The following PDE1C variants were observed in gnomAD, a reference collection of about 807,000 sequenced individuals.
The protein encoded by PDE1C is dual specificity calcium/calmodulin-dependent 3',5'-cyclic nucleotide phosphodiesterase 1C.
PDE1C carries 62 observed loss-of-function variants against 93.1 expected under a neutral mutation model. The ratio of observed to expected loss-of-function variants is 0.67; its 90% confidence interval spans 0.54 to 0.82. The LOEUF is 0.82. PDE1C is among the 40% of genes least tolerant of loss of function. The probability of loss-of-function intolerance (pLI) is 0.00; values close to 1 mark genes in which losing one functional copy is unlikely to be tolerated. For missense variants in PDE1C, 742 were observed against 884.6 expected (o/e 0.84, Z 2.04); for synonymous variants, 325 against 310.1 (o/e 1.05, Z -0.50).
chr7:32,166,699 T>G (rs1426656346), intron 3 of PDE1C, among the ~76,000 whole-genome samples: 1 of 152,322 alleles, frequency 6.6e-6, no homozygotes, highest in Admixed American at 6.5e-5. Context: ...CTATACCCTC[T>G]GGCATTATTA....
chr7:31,793,822 C>T (rs1301653893), intron 16 of PDE1C, among the ~76,000 whole-genome samples: 1 of 151,816 alleles, frequency 6.6e-6, no homozygotes, highest in East Asian at 1.9e-4. Context: ...CATGTGCATG[C>T]TTTCTCCTTG....
At chr7:32,157,718 A>T (rs1334333680) in intron 3 of PDE1C, among the ~76,000 whole-genome samples, 2 of 152,198 alleles carry the variant, frequency 1.3e-5, no homozygotes, top group African/African-American at 4.8e-5. Context: ...AAAGGTCATG[A>T]TGTCTACAAT....
chr7:32,193,871 A>G (rs1804404448), intron 2 of PDE1C, among the ~76,000 whole-genome samples: 1 of 145,524 alleles, frequency 6.9e-6, no homozygotes, highest in African/African-American at 2.5e-5. Flanking sequence ...TTCACATTGG[A>G]TGAGTTTTGG....
At position 32,111,973 on chromosome 7, in the gene PDE1C, A is replaced by G. The variant is rs573189498; in HGVS notation, c.308+57812T>C. On this transcript the variant is annotated intron_variant, in intron 3 of 18. Transcript: ENST00000396193. ...TCACACAAAGTGAGAGTTACTTACAATTCTGCCTTAACTCATTTGTGGCAA... is the reference window on the plus strand; with the variant it reads ...TCACACAAAGTGAGAGTTACTTACAGTTCTGCCTTAACTCATTTGTGGCAA... 1.1e-4 allele frequency among the ~76,000 whole-genome samples: 16 copies of G among 152,316 alleles called. No individual in the cohort carries two copies. The South Asian group carries it at 3.3e-3, about 32-fold the overall frequency.
At chr7:31,828,563 T>C (rs745718661) in intron 11 of PDE1C, among the ~76,000 whole-genome samples, 190 bp from the exon 12 acceptor site, 1 of 152,134 alleles carries the variant, frequency 6.6e-6, no homozygotes, top group African/African-American at 2.4e-5. Context: ...CCCTCTGGGA[T>C]CCAATAGTTC....
downstream of PDE1C, among the ~76,000 whole-genome samples, chr7:31,750,605 A>C (rs1469078765): frequency 1.3e-5 from 2 of 152,250 alleles, no homozygotes; most frequent in African/African-American, 4.8e-5. Flanking sequence ...TTTACAGCTA[A>C]AGAAACTAAA....
Position 31,989,696 on chromosome 7 carries a change from T to C in PDE1C, c.128+61858A>G, listed in dbSNP as rs189677425. ...TAACGTCACTCATTAGAGCTATAGT[T>C]AGCCTCCGATTGGTTAACTGTCTTT... On this transcript the variant is annotated intron_variant, in intron 2 of 17. Coordinates refer to ENST00000396191, the MANE Select transcript of PDE1C (RefSeq NM_001191057.4). Among the ~76,000 whole-genome samples, 168 of 152,310 alleles carry C rather than the reference T, an allele frequency of 1.1e-3. 1 individual carries two copies. The highest frequency in any genetic ancestry group is 3.9e-3 in the African/African-American group (161 of 41,566).
intron 2 of PDE1C, among the ~76,000 whole-genome samples, chr7:32,013,465 C>T (rs1001802832): frequency 2.0e-5 from 3 of 152,222 alleles, no homozygotes; most frequent in Admixed American, 6.5e-5. Flanking sequence ...TAACTTGACA[C>T]ATCCACCCTA....
At chr7:32,001,041 C>A (rs1428340530) in intron 2 of PDE1C, among the ~76,000 whole-genome samples, 3 of 151,434 alleles carry the variant, frequency 2.0e-5, no homozygotes, top group Non-Finnish European at 4.4e-5. Context: ...GTGGAGACAG[C>A]AAAAACACCA....
chr7:31,883,315 CG>C (rs1160874345), intron 2 of PDE1C, among the ~76,000 whole-genome samples: 1 of 152,164 alleles, frequency 6.6e-6, no homozygotes, highest in Non-Finnish European at 1.5e-5. Context: ...GGAGTGAATT[CG>C]TGAGTCTCCA....
At chr7:31,697,096 C>A in the PDE1C span, 9 of 1,613,908 alleles carry the variant, frequency 5.6e-6, no homozygotes, top group Non-Finnish European at 7.6e-6. Context: ...ACCTGCCCTG[C>A]ACATGTCCCC....
intron 13 of PDE1C, 43 bp downstream of exon 13, chr7:31,824,824 G>T (rs540479334): frequency 3.1e-6 from 5 of 1,604,616 alleles, no homozygotes; most frequent in African/African-American, 2.7e-5. Flanking sequence ...TATCCTCAAG[G>T]ACAGGCCAAC....
At chr7:32,387,610 G>A (rs1262643574) in intron 1 of PDE1C, among the ~76,000 whole-genome samples, 5 of 149,178 alleles carry the variant, frequency 3.4e-5, no homozygotes, top group Non-Finnish European at 7.4e-5. Context: ...CCCGGATGGG[G>A]CGGCTGGCCA....
At chr7:32,257,042 C>T (rs1809850129) in intron 1 of PDE1C, among the ~76,000 whole-genome samples, 1 of 152,194 alleles carries the variant, frequency 6.6e-6, no homozygotes, top group Admixed American at 6.5e-5. Flanking sequence ...CAGCATATTT[C>T]ATGCATCAGG....
chr7:31,836,873 C>T (rs1053712366), intron 11 of PDE1C, among the ~76,000 whole-genome samples: 2 of 151,838 alleles, frequency 1.3e-5, no homozygotes, highest in South Asian at 2.1e-4. Context: ...GTCATTTTGT[C>T]GAGCCACTAG....
chr7:31,709,106 C>T, the PDE1C span, among the ~76,000 whole-genome samples: 1 of 152,220 alleles, frequency 6.6e-6, no homozygotes, highest in Non-Finnish European at 1.5e-5. Flanking sequence ...TCACTTCATC[C>T]TATCAGATTT....
At position 31,885,974 on chromosome 7, in the gene PDE1C, A is replaced by G. The variant is rs146315129; in HGVS notation, c.129-5114T>C. The stretch of plus-strand genomic sequence containing the variant: ...GAAACATACTTTCTCATGTTTGTCT[A>G]TTCTGCCCAAGGTTATTCCCTCTGA... On this transcript the variant is annotated intron_variant, in intron 2 of 17. Transcript: ENST00000396191. 9.3e-4 allele frequency among the ~76,000 whole-genome samples: 141 copies of G among 152,320 alleles called. 2 individuals are homozygous for G. In the East Asian group the frequency reaches 0.022, roughly 24 times the overall value.
intron 1 of PDE1C, among the ~76,000 whole-genome samples, chr7:32,059,154 CAT>C (rs969361134): frequency 2.6e-5 from 4 of 152,148 alleles, no homozygotes; most frequent in African/African-American, 9.7e-5. Context: ...AGCTCCCAAA[CAT>C]AGAGGACTCC....
At chr7:32,174,535 C>T (rs1390973375) in intron 2 of PDE1C, among the ~76,000 whole-genome samples, 1 of 152,068 alleles carries the variant, frequency 6.6e-6, no homozygotes, top group African/African-American at 2.4e-5. Flanking sequence ...GGAAAACAAT[C>T]AGTGCAGACA....
Sources: gnomAD v4.1 joint callset for allele counts (sites outside exome capture counted in the v4.1 genomes callset) on GRCh38, gnomAD v4.1.1 for gene constraint, MANE v1.5 for transcripts, NCBI Gene and HGNC (gene_info 2026-07-23, HGNC 2026-07-21) for gene names.